C16orf46: variants seen among roughly 807,000 people sequenced by gnomAD.
The protein encoded by C16orf46 is chromosome 16 open reading frame 46.
A neutral mutation model predicts 5.5 loss-of-function variants in C16orf46; 7 were observed. The observed-to-expected ratio is 1.28, with a 90% confidence interval of 0.73 to 2.40. C16orf46 has a LOEUF of 2.40. C16orf46 is among the 30% of genes most tolerant of loss of function. The probability of loss-of-function intolerance (pLI) is 0.00; values close to 1 mark genes in which losing one functional copy is unlikely to be tolerated. For synonymous variants in C16orf46, 200 were observed against 184.1 expected (o/e 1.09, Z -0.70); for missense variants, 614 against 476.0 (o/e 1.29, Z -2.70).
chr16:81,061,553 C>T lies in C16orf46; in HGVS notation c.796G>A (p.Ala266Thr), dbSNP rs1296160272. The T allele has an allele frequency of 1.2e-6, 2 of 1,614,204 alleles. No homozygotes were observed. Among genetic ancestry groups the T allele is most frequent in the South Asian group, 1.1e-5 (1 of 91,084 alleles). ...KTADGKGEKR[A>T]SELAKHPMVN... ...ATAGGGTGTTTGGCCAGCTCACTGG[C>T]TCTTTTTTCACCTTTCCCATCTGCT... The change falls in exon 4 of 4, where the codon GCC (alanine) becomes ACC (threonine). Residue 266 changes from alanine (A) to threonine (T), a missense_variant. Physicochemically the swap from Ala to Thr is moderately conservative, Grantham distance 58. Coordinates refer to ENST00000299578, the MANE Select transcript of C16orf46 (RefSeq NM_152337.3).
At position 81,061,913 on chromosome 16, in the gene C16orf46, C is replaced by T. The variant is rs1971493389; in HGVS notation, c.436G>A (p.Ala146Thr). 3.1e-6 allele frequency: 5 copies of T among 1,614,058 alleles called. No individual in the cohort carries two copies. The highest frequency in any genetic ancestry group is 3.4e-6 in the Non-Finnish European group (4 of 1,180,036). ...APQGPSTASR[A>T]ISDICFPTYF... ...GTGGGAAAGCAGATGTCGCTAATTG[C>T]CCTGGAAGCAGTGCTGGGGCCCTGG... is the stretch of plus-strand genomic sequence containing the variant. The change falls in exon 4 of 4, where the codon GCA (alanine) becomes ACA (threonine). Residue 146 changes from alanine (A) to threonine (T), a missense_variant. Ala to Thr is a moderately conservative substitution (Grantham distance 58). Transcript: ENST00000299578.
chr16:81,060,882 G>A, downstream of C16orf46: 1 of 844,552 alleles, frequency 1.2e-6, no homozygotes, highest in Non-Finnish European at 1.5e-6. Context: ...CAGAGGCTGG[G>A]GCTGGCAAGA....
At chr16:81,064,018 T>C in intron 2 of C16orf46, 25 bp from the exon 3 acceptor site, 1 of 1,218,420 alleles carries the variant, frequency 8.2e-7, no homozygotes, top group Non-Finnish European at 1.2e-6. Context: ...GAATGGAACT[T>C]CGTTTTTAAT....
downstream of C16orf46, chr16:81,056,345 T>C (rs1344757720): frequency 1.3e-5 from 2 of 152,148 alleles, no homozygotes; most frequent in African/African-American, 4.8e-5. Context: ...TGCCCACAAC[T>C]CTTCCTGTCA....
At chr16:81,072,843 A>C (rs367582378) in intron 1 of C16orf46, among the ~76,000 whole-genome samples, 2 of 152,170 alleles carry the variant, frequency 1.3e-5, no homozygotes, top group East Asian at 3.8e-4. Flanking sequence ...CTGGGATTAC[A>C]GGCGTGCGCC....
chr16:81,063,928 C>A lies in C16orf46; in HGVS notation c.28G>T (p.Asp10Tyr). The A allele has an allele frequency of 6.2e-7, 1 of 1,613,234 alleles. No individual in the cohort carries two copies. Among genetic ancestry groups the A allele is most frequent in the South Asian group, 1.1e-5 (1 of 90,980 alleles). Residue 10 changes from aspartate (D) to tyrosine (Y), a missense_variant, in exon 3 of 4, where the codon GAC becomes TAC. By Grantham distance (160) the Asp-to-Tyr change is radical (BLOSUM62 -3). Transcript: ENST00000299578. The part of the protein sequence containing the change: MDLCQKNET[D>Y]LENAENNEIQ... Reference sequence around the variant, plus strand: ...TCATTATTTTCAGCATTTTCTAAGTCAGTCTCATTTTTCTGACAGAGATCC... The same window carrying A: ...TCATTATTTTCAGCATTTTCTAAGTAAGTCTCATTTTTCTGACAGAGATCC...
chr16:81,061,195 A>G lies in C16orf46; in HGVS notation c.1154T>C (p.Val385Ala), dbSNP rs138045461. 1.2e-5 allele frequency: 19 copies of G among 1,613,254 alleles called. No individual in the cohort carries two copies. In the African/African-American group the frequency reaches 2.5e-4, roughly 22 times the overall value. ...CCTGTGGGTAGAGACAGGAATGATA[A>G]CTCTGCTCACTGTGAGAGACGGCAA... is the stretch of plus-strand genomic sequence containing the variant. ...PVLPSLTVSR[V>A]IIPVSTHRIL Residue 385 changes from valine to alanine, a missense_variant, in exon 4 of 4, where the codon GTT (valine) becomes GCT (alanine). Transcript: ENST00000299578.
chr16:81,060,789 C>T (rs552387629), downstream of C16orf46: 5 of 219,696 alleles, frequency 2.3e-5, no homozygotes, highest in East Asian at 1.1e-4. Context: ...TCTGGGCTGA[C>T]GTGCGGCCAG....
intron 2 of C16orf46, among the ~76,000 whole-genome samples, chr16:81,064,543 T>A (rs1971591637): frequency 6.6e-6 from 1 of 150,608 alleles, no homozygotes; most frequent in Admixed American, 6.6e-5. Context: ...AGGTCAGGAG[T>A]TCGAGGACAG....
intron 2 of C16orf46, among the ~76,000 whole-genome samples, chr16:81,064,573 C>T (rs141024216): frequency 6.6e-6 from 1 of 151,760 alleles, no homozygotes; most frequent in African/African-American, 2.4e-5. Flanking sequence ...CATGGCGAAA[C>T]CCCATCTCTA....
chr16:81,070,384 G>C (rs1458299355), intron 1 of C16orf46, among the ~76,000 whole-genome samples: 3 of 152,174 alleles, frequency 2.0e-5, no homozygotes, highest in African/African-American at 7.2e-5. Context: ...ACACTACCCA[G>C]TTTTAAGAAT....
At chr16:81,064,802 C>T (rs1373754286) in intron 2 of C16orf46, among the ~76,000 whole-genome samples, 1 of 151,166 alleles carries the variant, frequency 6.6e-6, no homozygotes, top group Non-Finnish European at 1.5e-5. Context: ...TGGCCATCTA[C>T]AAGCCAAAGA....
intron 1 of C16orf46, among the ~76,000 whole-genome samples, chr16:81,073,020 C>T (rs1597153392): frequency 6.6e-6 from 1 of 152,160 alleles, no homozygotes. Flanking sequence ...GAGTTACATA[C>T]TAAAGGGAAC....
At chr16:81,056,374 C>T (rs1341263355), downstream of C16orf46, 1 of 152,142 alleles carries the variant, frequency 6.6e-6, no homozygotes. Flanking sequence ...ATGGGCCCTC[C>T]TGTTACTCTG....
chr16:81,064,569 G>A (rs13332317), intron 2 of C16orf46, among the ~76,000 whole-genome samples: 10,155 of 151,738 alleles, frequency 0.067, 1,100 homozygotes, highest in African/African-American at 0.23. Context: ...CCAACATGGC[G>A]AAACCCCATC....
rs1225241303 is a variant in C16orf46 at position 81,061,351 on chromosome 16, T to G, written c.998A>C (p.Gln333Pro). ...GGCTTTGAATTTGGATTTGTAGCTT[T>G]GCACTCCCCGTTTCTGCAGAAGCTG... ...ALQLLQKRGV[Q>P]SYKSKFKAKE... Residue 333 changes from glutamine (Q) to proline (P), a missense_variant, in exon 4 of 4, where the codon CAA becomes CCA. Transcript: ENST00000299578. 6.2e-7 allele frequency: 1 copy of G among 1,614,152 alleles called. No individual in the cohort carries two copies. The highest frequency in any genetic ancestry group is 1.7e-5 in the Admixed American group (1 of 60,022).
Position 81,061,072 on chromosome 16 carries a change from G to T in C16orf46, c.*89C>A, listed in dbSNP as rs867649181. 18 of 1,459,234 alleles carry T rather than the reference G, an allele frequency of 1.2e-5. No individual in the cohort carries two copies. In the Middle Eastern group the frequency reaches 2.2e-3, roughly 181 times the overall value. The allele number at this position is 1,459,234 out of a possible 1,614,324, so 90.4% of individuals were successfully genotyped here. A position where few individuals can be genotyped will look rare whatever the true frequency, so the allele number is the denominator to read the frequency against. On this transcript the variant is annotated 3_prime_UTR_variant, in exon 4 of 4. Transcript: ENST00000299578. ...GACGGGGAGGAGAGAAAGAGAGAGT[G>T]GGGGGTGGGTGGGAAATGAGAGAGA... is the stretch of plus-strand genomic sequence containing the variant.
intron 3 of C16orf46, among the ~76,000 whole-genome samples, chr16:81,054,532 T>C (rs932367345): frequency 3.3e-5 from 5 of 152,072 alleles, no homozygotes; most frequent in African/African-American, 9.7e-5. Context: ...TATATATATA[T>C]GTATATACAT....
chr16:81,072,840 T>C (rs1971903014), intron 1 of C16orf46, among the ~76,000 whole-genome samples: 1 of 152,178 alleles, frequency 6.6e-6, no homozygotes, highest in Non-Finnish European at 1.5e-5. Context: ...TAGCTGGGAT[T>C]ACAGGCGTGC....
Sources: gnomAD v4.1 joint callset for allele counts (sites outside exome capture counted in the v4.1 genomes callset) on GRCh38, gnomAD v4.1.1 for gene constraint, MANE v1.5 for transcripts, NCBI Gene and HGNC (gene_info 2026-07-23, HGNC 2026-07-21) for gene names.